Variants in STAU1 observed in about 807,000 individuals in gnomAD.
The protein encoded by STAU1 is double-stranded RNA-binding protein Staufen homolog 1.
Under a neutral mutation model 62.9 loss-of-function variants are expected in STAU1, and 13 were observed. The ratio of observed to expected loss-of-function variants is 0.21; its 90% confidence interval spans 0.13 to 0.33. The LOEUF is 0.33. Ranked by LOEUF, STAU1 falls within the 10% of genes least tolerant of loss-of-function variation. STAU1 has a pLI of 1.00. For synonymous variants in STAU1, 269 were observed against 265.1 expected (o/e 1.01, Z -0.14); for missense variants, 571 against 712.1 (o/e 0.80, Z 2.25).
chr20:49,211,291 A>G, the STAU1 span, among the ~76,000 whole-genome samples: 1 of 151,876 alleles, frequency 6.6e-6, no homozygotes, highest in African/African-American at 2.4e-5. Context: ...CTCGTGTACA[A>G]GGATTTGTTT....
intron 1 of STAU1, among the ~76,000 whole-genome samples, chr20:49,182,338 T>C (rs1242368372): frequency 6.6e-6 from 1 of 152,228 alleles, no homozygotes; most frequent in Non-Finnish European, 1.5e-5. Context: ...TTAAAAATAT[T>C]ACTTTTCTCT....
At chr20:49,138,032 C>T (rs897234671) in intron 5 of STAU1, among the ~76,000 whole-genome samples, 1 of 151,998 alleles carries the variant, frequency 6.6e-6, no homozygotes, top group Admixed American at 6.6e-5. Flanking sequence ...CGCCTGTGAT[C>T]CCAAAACTTT....
At chr20:49,152,913 C>CA (rs1288329997) in intron 4 of STAU1, among the ~76,000 whole-genome samples, 14 of 152,114 alleles carry the variant, frequency 9.2e-5, no homozygotes, top group Non-Finnish European at 1.8e-4. Flanking sequence ...GCCACACTGC[C>CA]AGCAAGAAAT....
intron 8 of STAU1, among the ~76,000 whole-genome samples, chr20:49,121,978 T>C (rs2145862044): frequency 6.6e-6 from 1 of 152,314 alleles, no homozygotes; most frequent in South Asian, 2.1e-4. Context: ...CTACCAGCCA[T>C]TTCATCTTGG....
At chr20:49,134,553 G>C (rs142396303) in intron 6 of STAU1, 1 of 1,287,806 alleles carries the variant, frequency 7.8e-7, no homozygotes, top group Admixed American at 1.7e-5. Flanking sequence ...TTACCTATCA[G>C]AAGTCAATTC....
At chr20:49,178,919 A>AAC (rs2093691163) in intron 1 of STAU1, among the ~76,000 whole-genome samples, 1 of 150,520 alleles carries the variant, frequency 6.6e-6, no homozygotes. Flanking sequence ...TAAAAAAAAA[A>AAC]AAAAAAAAAC....
intron 2 of STAU1, among the ~76,000 whole-genome samples, chr20:49,172,999 CA>C (rs1277035932): frequency 1.5e-4 from 23 of 149,604 alleles, no homozygotes; most frequent in South Asian, 4.2e-4. Context: ...CGCCCCCCAA[CA>C]CCTGGCTAAT....
In STAU1 at chr20:49,123,122, G is replaced by C; in HGVS notation, c.936C>G (p.Gly312=). ...EPEYTLLTER[G]LPRRREFVMQ... The stretch of plus-strand genomic sequence containing the variant: ...TCACAAACTCCCTGCGGCGCGGGAG[G>C]CCTCGCTCTGTGAGGAGCGTGTACT... Residue 312 remains glycine, a synonymous_variant, in exon 8 of 14, where the codon GGC becomes GGG. Transcript: ENST00000371856. 1 of 1,612,702 alleles carries C rather than the reference G, an allele frequency of 6.2e-7. No individual in the cohort carries two copies. Among genetic ancestry groups the C allele is most frequent in the South Asian group, 1.1e-5 (1 of 90,986 alleles).
chr20:49,206,748 TATA>T, the STAU1 span, among the ~76,000 whole-genome samples: 23 of 115,718 alleles, frequency 2.0e-4, no homozygotes, highest in South Asian at 7.6e-4. Context: ...TATATATATA[TATA>T]TTTTATTTTA....
the STAU1 span, among the ~76,000 whole-genome samples, chr20:49,195,535 CAAAAAAAAAAAAA>C: frequency 5.2e-5 from 2 of 38,146 alleles, no homozygotes. Context: ...GACTCCGTCT[CAAAAAAAAAAAAA>C]AAAAAAAAAA....
the STAU1 span, among the ~76,000 whole-genome samples, chr20:49,218,896 C>G: frequency 6.6e-6 from 1 of 151,214 alleles, no homozygotes; most frequent in South Asian, 2.1e-4. Context: ...GGCGCCTGTA[C>G]CTCCAGTTAC....
Position 49,115,675 on chromosome 20 carries a change from A to T in STAU1, c.1718+107T>A. 5.1e-6 allele frequency: 5 copies of T among 988,312 alleles called. No homozygotes were observed. The South Asian group carries it at 5.5e-5, about 11-fold the overall frequency. 61.2% of individuals were successfully genotyped at this position (988,312 alleles called of 1,614,324 possible). On this transcript the variant is annotated intron_variant, in intron 13 of 13. Coordinates refer to ENST00000371856, the MANE Select transcript of STAU1 (RefSeq NM_017453.4). ...CTTTCAGGCAAAAGGGCCAGAAAGT[A>T]ACTCAGGCAAATATTTCCCCGCTGA...
At chr20:49,178,232 C>CAAAAGAT (rs2093683319) in intron 1 of STAU1, among the ~76,000 whole-genome samples, 1 of 152,114 alleles carries the variant, frequency 6.6e-6, no homozygotes, top group Non-Finnish European at 1.5e-5. Context: ...TGAAATCCTC[C>CAAAAGAT]AATTTCAAAA....
intron 1 of STAU1, among the ~76,000 whole-genome samples, chr20:49,187,332 G>T (rs141708696): frequency 5.8e-4 from 89 of 152,240 alleles, no homozygotes; most frequent in African/African-American, 2.1e-3. Context: ...GTCAACTACA[G>T]TGTCCCAATT....
At chr20:49,165,233 C>T (rs1600813530) in intron 3 of STAU1, among the ~76,000 whole-genome samples, 1 of 152,104 alleles carries the variant, frequency 6.6e-6, no homozygotes. Flanking sequence ...TTAGTAGAGA[C>T]GGAGTCTCAC....
At chr20:49,199,905 T>G in the STAU1 span, among the ~76,000 whole-genome samples, 2 of 152,068 alleles carry the variant, frequency 1.3e-5, no homozygotes, top group Non-Finnish European at 2.9e-5. Flanking sequence ...AGATGGGATC[T>G]CACTATATTG....
intron 2 of STAU1, among the ~76,000 whole-genome samples, chr20:49,167,842 T>C (rs1297911527): frequency 6.6e-6 from 1 of 152,190 alleles, no homozygotes; most frequent in Non-Finnish European, 1.5e-5. Context: ...CACTTGTGTA[T>C]GTACGACTTC....
At chr20:49,207,178 A>G in the STAU1 span, among the ~76,000 whole-genome samples, 1 of 151,882 alleles carries the variant, frequency 6.6e-6, no homozygotes, top group Admixed American at 6.6e-5. Context: ...GCGAGCTATG[A>G]TTATGCCCCT....
intron 6 of STAU1, chr20:49,134,647 A>C (rs2092833465): frequency 8.2e-7 from 1 of 1,219,234 alleles, no homozygotes; most frequent in Admixed American, 1.7e-5. Flanking sequence ...TCTTCTTCAA[A>C]AACTATGAAA....
Sources: gnomAD v4.1 joint callset for allele counts (sites outside exome capture counted in the v4.1 genomes callset) on GRCh38, gnomAD v4.1.1 for gene constraint, MANE v1.5 for transcripts, NCBI Gene and HGNC (gene_info 2026-07-23, HGNC 2026-07-21) for gene names.